DMC1: variants seen among roughly 807,000 people sequenced by gnomAD.
DMC1 encodes the protein meiotic recombination protein DMC1 homolog.
Under a neutral mutation model 50.1 loss-of-function variants are expected in DMC1, and 27 were observed. The ratio of observed to expected loss-of-function variants is 0.54; its 90% CI spans 0.40 to 0.74. DMC1 has a LOEUF of 0.74. Ranked by LOEUF, DMC1 falls within the 30% of genes least tolerant of loss-of-function variation. DMC1 has a pLI of 0.00. For synonymous variants in DMC1, 148 were observed against 136.1 expected (o/e 1.09, Z -0.61); for missense variants, 295 against 420.2 (o/e 0.70, Z 2.60).
chr22:38,530,123 C>A (rs188506583), intron 12 of DMC1, among the ~76,000 whole-genome samples: 3 of 152,198 alleles, frequency 2.0e-5, no homozygotes, highest in African/African-American at 7.2e-5. Context: ...CCCCCCACCA[C>A]ACCTGGCTAA....
At chr22:38,560,878 T>A (rs984043608) in intron 5 of DMC1, among the ~76,000 whole-genome samples, 2 of 152,170 alleles carry the variant, frequency 1.3e-5, no homozygotes, top group African/African-American at 2.4e-5. Context: ...ATTTTAAGCA[T>A]ATACTAAGCA....
intron 8 of DMC1, among the ~76,000 whole-genome samples, chr22:38,548,389 C>T (rs538681408): frequency 6.6e-6 from 1 of 152,250 alleles, no homozygotes; most frequent in East Asian, 1.9e-4. Flanking sequence ...GCCTGGGCAA[C>T]GTGGTGAAAC....
Position 38,537,663 on chromosome 22 carries a change from A to G in DMC1, c.776-11T>C, listed in dbSNP as rs748620590. 6.2e-7 allele frequency: 1 copy of G among 1,612,376 alleles called. No homozygotes were observed. Among genetic ancestry groups the G allele is most frequent in the Non-Finnish European group, 8.5e-7 (1 of 1,178,468 alleles). On this transcript the variant is annotated splice_polypyrimidine_tract_variant and intron_variant, in intron 11 of 13. Coordinates refer to ENST00000216024, the MANE Select transcript of DMC1 (RefSeq NM_007068.4). ...CAGCCACGTTATATTCTGCATCAAG[A>G]GATAAAATTTTAAAACTATGAGAAA...
intron 7 of DMC1, among the ~76,000 whole-genome samples, chr22:38,551,531 T>C (rs949601211): frequency 1.3e-5 from 2 of 151,834 alleles, no homozygotes; most frequent in African/African-American, 4.8e-5. Flanking sequence ...GGTTTCACCA[T>C]GTTTACCAGG....
intron 8 of DMC1, among the ~76,000 whole-genome samples, chr22:38,539,890 T>C (rs958393451): frequency 2.0e-4 from 30 of 152,154 alleles, no homozygotes; most frequent in African/African-American, 6.8e-4. Context: ...AACTGCAAAG[T>C]GAATTAATTC....
At chr22:38,557,956 CTTT>C (rs753724944) in intron 5 of DMC1, among the ~76,000 whole-genome samples, 703 of 62,592 alleles carry the variant, frequency 0.011, 4 homozygotes, top group African/African-American at 0.038. Flanking sequence ...AGACAAAGTT[CTTT>C]TTTTTTTTTT....
chr22:38,517,232 C>G (rs1172790971), downstream of DMC1, among the ~76,000 whole-genome samples: 1 of 152,162 alleles, frequency 6.6e-6, no homozygotes, highest in East Asian at 1.9e-4. Context: ...AATTGGCTAT[C>G]CCTGATAGGG....
chr22:38,527,294 T>C (rs1274555753), intron 12 of DMC1, among the ~76,000 whole-genome samples: 2 of 151,970 alleles, frequency 1.3e-5, no homozygotes, highest in Admixed American at 6.6e-5. Flanking sequence ...AGCCTCCGCC[T>C]CCCCAGTTCA....
chr22:38,544,165 T>A (rs1170753206), intron 8 of DMC1, among the ~76,000 whole-genome samples: 1 of 152,144 alleles, frequency 6.6e-6, no homozygotes, highest in Admixed American at 6.6e-5. Context: ...TAATCTTATT[T>A]AAAAATGGGC....
chr22:38,547,994 G>C (rs1430201406), intron 8 of DMC1, among the ~76,000 whole-genome samples: 1 of 152,208 alleles, frequency 6.6e-6, no homozygotes, highest in Non-Finnish European at 1.5e-5. Context: ...AAATCCGTGT[G>C]TGTGTAACAT....
At chr22:38,530,214 GCCTC>G (rs1555932968) in intron 12 of DMC1, among the ~76,000 whole-genome samples, 2 of 152,014 alleles carry the variant, frequency 1.3e-5, no homozygotes, top group Non-Finnish European at 2.9e-5. Context: ...TGATCCACCT[GCCTC>G]AGCCTCCCAA....
chr22:38,562,739 C>T (rs2090540922), intron 4 of DMC1, among the ~76,000 whole-genome samples: 1 of 151,240 alleles, frequency 6.6e-6, no homozygotes. Context: ...TACATGTACA[C>T]ATATATACAC....
At chr22:38,536,950 A>G (rs1475466104) in intron 12 of DMC1, among the ~76,000 whole-genome samples, 1 of 152,142 alleles carries the variant, frequency 6.6e-6, no homozygotes, top group African/African-American at 2.4e-5. Flanking sequence ...TCCCAGGTTC[A>G]AGTGATTCTC....
At chr22:38,546,329 T>C (rs1224999136) in intron 8 of DMC1, among the ~76,000 whole-genome samples, 4 of 151,714 alleles carry the variant, frequency 2.6e-5, no homozygotes, top group Non-Finnish European at 5.9e-5. Flanking sequence ...ATGGAGGTTG[T>C]AGTGAGCCGA....
In DMC1 at chr22:38,520,040, T is replaced by G. The variant is rs1346606179; in HGVS notation, c.1003A>C (p.Ile335Leu). The G allele has an allele frequency of 1.9e-6, 3 of 1,613,472 alleles. No homozygotes were observed. The highest frequency in any genetic ancestry group is 2.5e-6 in the Non-Finnish European group (3 of 1,179,662). ...EATFAITAGG[I>L]GDAKE is the part of the protein sequence containing the mutation. ...ACCACCTACTCCTTGGCATCCCCAA[T>G]TCCTCCAGCAGTTATTGCGAAGGTG... The change falls in exon 14 of 14, where the codon ATT becomes CTT. Residue 335 changes from isoleucine (I) to leucine (L), a missense_variant. Ile to Leu is a conservative substitution (Grantham distance 5). Coordinates refer to ENST00000216024, the MANE Select transcript of DMC1 (RefSeq NM_007068.4).
intron 12 of DMC1, among the ~76,000 whole-genome samples, chr22:38,528,433 T>G (rs114538691): frequency 6.6e-6 from 1 of 152,004 alleles, no homozygotes; most frequent in Non-Finnish European, 1.5e-5. Context: ...TACATACATT[T>G]GTTCTATCCT....
In DMC1 at chr22:38,522,941, T is replaced by C. The variant is rs149835499; in HGVS notation, c.837-1217A>G. 8.5e-4 allele frequency among the ~76,000 whole-genome samples: 130 copies of C among 152,246 alleles called. 1 individual carries two copies. Among genetic ancestry groups the C allele is most frequent in the Middle Eastern group, 3.4e-3 (1 of 294 alleles). ...CAGAAGACCCCTGGTTGGTGCTGAA[T>C]AGGATTAAGATTCAGTAGAAACTGG... On this transcript the variant is annotated intron_variant, in intron 12 of 13. Coordinates refer to ENST00000216024, the MANE Select transcript of DMC1 (RefSeq NM_007068.4).
At chr22:38,551,263 C>T (rs1016114206) in intron 7 of DMC1, among the ~76,000 whole-genome samples, 30 of 150,884 alleles carry the variant, frequency 2.0e-4, no homozygotes, top group African/African-American at 6.7e-4. Context: ...AAAAAAGTCA[C>T]AAATATAATT....
chr22:38,551,337 CT>C (rs558366142), intron 7 of DMC1, among the ~76,000 whole-genome samples: 1 of 151,152 alleles, frequency 6.6e-6, no homozygotes, highest in African/African-American at 2.4e-5. Flanking sequence ...AATGCATTTA[CT>C]TTTTTTTTCG....
Sources: gnomAD v4.1 joint callset for allele counts (sites outside exome capture counted in the v4.1 genomes callset) on GRCh38, gnomAD v4.1.1 for gene constraint, MANE v1.5 for transcripts, NCBI Gene and HGNC (gene_info 2026-07-23, HGNC 2026-07-21) for gene names.